The following TNPO2 variants were observed in gnomAD, a reference collection of about 807,000 sequenced individuals.
TNPO2 encodes transportin-2.
In TNPO2, 16 loss-of-function variants were observed where a neutral mutation model predicts 111.1. The ratio of observed to expected loss-of-function variants is 0.14; its 90% CI spans 0.10 to 0.22. The LOEUF (loss-of-function observed/expected upper bound fraction) is 0.22. TNPO2 is among the 10% of genes least tolerant of loss of function. The probability of loss-of-function intolerance (pLI) is 1.00; values close to 1 mark genes in which losing one functional copy is unlikely to be tolerated. For missense variants in TNPO2, 530 were observed against 1,173.7 expected, an observed-to-expected ratio of 0.45 and a Z score of 8.01; for synonymous variants, 481 against 475.8, an observed-to-expected ratio of 1.01 and a Z score of -0.14.
At position 12,705,874 on chromosome 19, in the gene TNPO2, T is replaced by C; in HGVS notation, c.1669-106A>G. ...GGCCTGAGCGCCTCACCGTGGCTCA[T>C]GGGACCCTGAAAGGCCTGCCATCTG... On this transcript the variant is annotated intron_variant, in intron 15 of 25. Transcript: ENST00000425528. This position sits in a 1 kb window ranked among gnomAD's most constrained non-coding sequence, Gnocchi z 7.2. The C allele has an allele frequency of 2.3e-6, 2 of 865,002 alleles. No homozygotes were observed. Among genetic ancestry groups the C allele is most frequent in the Non-Finnish European group, 3.5e-6 (2 of 575,956 alleles). The allele number at this position is 865,002 out of a possible 1,614,324, so 53.6% of individuals were successfully genotyped here.
chr19:12,707,138 C>T (rs2025727127), intron 13 of TNPO2, among the ~76,000 whole-genome samples: 1 of 152,182 alleles, frequency 6.6e-6, no homozygotes, highest in South Asian at 2.1e-4. Flanking sequence ...GCTGGGATTA[C>T]AGGCCTCTGC....
chr19:12,707,863 C>G (rs990699995), intron 13 of TNPO2, among the ~76,000 whole-genome samples: 1 of 151,790 alleles, frequency 6.6e-6, no homozygotes, highest in African/African-American at 2.4e-5. Flanking sequence ...CTCTGTTGCC[C>G]AAGCTGAAGT....
chr19:12,719,048 C>A lies in TNPO2; in HGVS notation c.306G>T (p.Ser102=). The A allele has an allele frequency of 1.2e-6, 2 of 1,613,814 alleles. No homozygotes were observed. Among genetic ancestry groups the A allele is most frequent in the Non-Finnish European group, 1.7e-6 (2 of 1,179,888 alleles). The part of the protein sequence containing the change: ...ECLNNIGDAS[S]LIRATIGILI... ...TCTCACCAATGGTGGCTCGGATGAG[C>A]GAGGAGGCATCGCCAATGTTGTTGA... The change falls in exon 5 of 26, where the codon TCG becomes TCT. Residue 102 remains serine (S), a synonymous_variant. Transcript: ENST00000425528. The surrounding 1 kb of genome is among the most constrained non-coding windows in gnomAD (Gnocchi z 5.0).
In TNPO2 at chr19:12,715,358, C is replaced by T. The variant is rs2026306892; in HGVS notation, c.567-34G>A. 6.2e-7 allele frequency: 1 copy of T among 1,613,762 alleles called. No homozygotes were observed. Among genetic ancestry groups the T allele is most frequent in the African/African-American group, 1.3e-5 (1 of 74,898 alleles). The stretch of plus-strand genomic sequence containing the variant: ...GAGCAGACACGTGGGTCACCCTGAC[C>T]CTGCCCACTCCAGGCTCCCTGGAAG... On this transcript the variant is annotated intron_variant, in intron 7 of 25. Transcript: ENST00000425528. This position sits in a 1 kb window ranked among gnomAD's most constrained non-coding sequence, Gnocchi z 7.1.
chr19:12,715,138 G>C lies in TNPO2; in HGVS notation c.680C>G (p.Pro227Arg). Residue 227 changes from proline (P) to arginine (R), a missense_variant, in exon 9 of 26, where the codon CCC (proline) becomes CGC (arginine). Coordinates refer to ENST00000425528, the MANE Select transcript of TNPO2 (RefSeq NM_001382241.1). This position sits in a 1 kb window ranked among gnomAD's most constrained non-coding sequence, Gnocchi z 7.1. ...HLFALAVDDD[P>R]EVRKNVCRAL... ...ACGGCACACATTCTTCCGCACCTCG[G>C]GGTCATCATCCACAGCCAGGGCAAA... is the stretch of plus-strand genomic sequence containing the variant. 1 of 1,604,230 alleles carries C rather than the reference G, an allele frequency of 6.2e-7. No individual in the cohort carries two copies. The highest frequency in any genetic ancestry group is 8.5e-7 in the Non-Finnish European group (1 of 1,173,870).
chr19:12,705,957 A>ACCCCC lies in TNPO2; in HGVS notation c.1669-194_1669-190dup, dbSNP rs989945964. 3 of 471,002 alleles carry ACCCCC rather than the reference A, an allele frequency of 6.4e-6. No individual in the cohort carries two copies. Among genetic ancestry groups the ACCCCC allele is most frequent in the Non-Finnish European group, 1.1e-5 (3 of 264,492 alleles). 29.2% of individuals were successfully genotyped at this position (471,002 alleles called of 1,614,324 possible). On this transcript the variant is annotated intron_variant, in intron 15 of 25. Coordinates refer to ENST00000425528, the MANE Select transcript of TNPO2 (RefSeq NM_001382241.1). The surrounding 1 kb of genome is among the most constrained non-coding windows in gnomAD (Gnocchi z 7.2). ...GTCCAAGCACCGCCCGCCCCACCCC[A>ACCCCC]CCCCCCGGGAGCCTGGGTTACCACC...
chr19:12,705,110 T>C lies in TNPO2; in HGVS notation c.2022+130A>G. ...AGCAATCCTGCCTCGGCCTCCAGGA[T>C]TACTCTTTAAAATAATTAGAACAGC... is the stretch of plus-strand genomic sequence containing the variant. On this transcript the variant is annotated intron_variant, in intron 18 of 25. Coordinates refer to ENST00000425528, the MANE Select transcript of TNPO2 (RefSeq NM_001382241.1). The surrounding 1 kb of genome is among the most constrained non-coding windows in gnomAD (Gnocchi z 7.2). The C allele has an allele frequency of 1.0e-6, 1 of 998,108 alleles. No individual in the cohort carries two copies. The highest frequency in any genetic ancestry group is 1.6e-5 in the South Asian group (1 of 62,334). 61.8% of individuals were successfully genotyped at this position (998,108 alleles called of 1,614,324 possible).
rs373585178 is a variant in TNPO2, at chr19:12,706,528, C to T, written c.1496+42G>A. ...GTGTCATCACTTCCCAGAGGGTGGC[C>T]GGGGGAGAGTGGGGGCTGTGGGATC... is the stretch of plus-strand genomic sequence containing the variant. On this transcript the variant is annotated intron_variant, in intron 14 of 25. Coordinates refer to ENST00000425528, the MANE Select transcript of TNPO2 (RefSeq NM_001382241.1). The surrounding 1 kb of genome is among the most constrained non-coding windows in gnomAD (Gnocchi z 7.0). The T allele has an allele frequency of 2.4e-4, 377 of 1,604,146 alleles. No homozygotes were observed. Among genetic ancestry groups the T allele is most frequent in the Non-Finnish European group, 3.0e-4 (354 of 1,171,702 alleles).
In TNPO2 at chr19:12,705,655, T is replaced by G. The variant is rs1399856258; in HGVS notation, c.1755+27A>C. 1.3e-6 allele frequency: 2 copies of G among 1,560,032 alleles called. No individual in the cohort carries two copies. The highest frequency in any genetic ancestry group is 1.7e-6 in the Non-Finnish European group (2 of 1,149,710). On this transcript the variant is annotated intron_variant, in intron 16 of 25. Transcript: ENST00000425528. The surrounding 1 kb of genome is among the most constrained non-coding windows in gnomAD (Gnocchi z 7.2). ...TCAGGCAGGGTGGGCAGGATGGGTT[T>G]CGGGTGAGGGGCAGGAGCCCACTCA...
chr19:12,721,255 G>A lies in TNPO2; in HGVS notation c.-13-265C>T. On this transcript the variant is annotated intron_variant, in intron 2 of 25. Coordinates refer to ENST00000425528, the MANE Select transcript of TNPO2 (RefSeq NM_001382241.1). This position sits in a 1 kb window ranked among gnomAD's most constrained non-coding sequence, Gnocchi z 4.9. ...CGGCGGGGCCCGGCGGATCCTCATGGGACCCAGCGAAGAGCCCTCGTCCCA... is the reference window on the plus strand; with the variant it reads ...CGGCGGGGCCCGGCGGATCCTCATGAGACCCAGCGAAGAGCCCTCGTCCCA... The A allele has an allele frequency of 7.7e-7, 1 of 1,302,412 alleles. No individual in the cohort carries two copies. The highest frequency in any genetic ancestry group is 9.8e-7 in the Non-Finnish European group (1 of 1,021,628). The allele number at this position is 1,302,412 out of a possible 1,614,324, so 80.7% of individuals were successfully genotyped here.
rs751334338 is a variant in TNPO2 at position 12,706,851 on chromosome 19, C to T, written c.1271-56G>A. The T allele has an allele frequency of 1.6e-4, 225 of 1,428,426 alleles. No homozygotes were observed. The Middle Eastern group carries it at 1.7e-3, about 11-fold the overall frequency. The allele number at this position is 1,428,426 out of a possible 1,614,324, so 88.5% of individuals were successfully genotyped here. On this transcript the variant is annotated intron_variant, in intron 13 of 25. Coordinates refer to ENST00000425528, the MANE Select transcript of TNPO2 (RefSeq NM_001382241.1). This position sits in a 1 kb window ranked among gnomAD's most constrained non-coding sequence, Gnocchi z 7.0. ...TTTGATTGGGCCCAGCCACACCCAC[C>T]GTATGGAGAGAAGAGTCAGCCGCAC...
intron 13 of TNPO2, 115 bp downstream of exon 13, chr19:12,710,506 T>G: frequency 8.0e-7 from 1 of 1,257,582 alleles, no homozygotes; most frequent in Non-Finnish European, 1.1e-6. Context: ...CTCAGAGCTG[T>G]TTGGAGTGGG....
Position 12,705,368 on chromosome 19 carries a change from C to T in TNPO2, c.1894G>A (p.Ala632Thr), listed in dbSNP as rs1208175548. The T allele has an allele frequency of 6.3e-7, 1 of 1,586,990 alleles. No individual in the cohort carries two copies. The highest frequency in any genetic ancestry group is 1.3e-5 in the African/African-American group (1 of 74,288). The stretch of plus-strand genomic sequence containing the variant: ...ACGATCATGAAGTCCTTGTCGGGAG[C>T]CTCATACTGCTCAGGGTGCTGGGTG... ...MYTQHPEQYE[A>T]PDKDFMIVAL... is the part of the protein sequence containing the mutation. The change falls in exon 18 of 26, where the codon GCT (alanine) becomes ACT (threonine). Residue 632 changes from alanine to threonine, a missense_variant. Physicochemically the swap from Ala to Thr is moderately conservative, Grantham distance 58. Around this residue, in one of 4 missense-constraint regions of TNPO2, gnomAD observed 183 missense variants for 481.0 expected, o/e 0.38. Transcript: ENST00000425528. The surrounding 1 kb of genome is among the most constrained non-coding windows in gnomAD (Gnocchi z 7.2).
rs778339644 is a variant in TNPO2, at chr19:12,703,543, G to A, written c.2111-17C>T. 1.2e-6 allele frequency: 2 copies of A among 1,613,420 alleles called. No individual in the cohort carries two copies. Among genetic ancestry groups the A allele is most frequent in the South Asian group, 1.1e-5 (1 of 91,038 alleles). ...TGAACTCGGCTGGTGGGGAGAAACA[G>A]GGGTGCTGAGAAGGAGGGCCAGCCA... On this transcript the variant is annotated splice_polypyrimidine_tract_variant and intron_variant, in intron 19 of 25. Coordinates refer to ENST00000425528, the MANE Select transcript of TNPO2 (RefSeq NM_001382241.1).
chr19:12,709,318 T>C (rs2025899378), intron 13 of TNPO2, among the ~76,000 whole-genome samples: 7 of 151,514 alleles, frequency 4.6e-5, no homozygotes, highest in Admixed American at 3.9e-4. Flanking sequence ...GCCAAGATCA[T>C]GCCACTGCAC....
Position 12,700,898 on chromosome 19 carries a change from A to C in TNPO2, c.*366T>G, listed in dbSNP as rs549433229. 15 of 177,596 alleles carry C rather than the reference A, an allele frequency of 8.4e-5. No homozygotes were observed. The South Asian group carries it at 1.9e-3, about 22-fold the overall frequency. 11.0% of individuals were successfully genotyped at this position (177,596 alleles called of 1,614,324 possible). A position where few individuals can be genotyped will look rare whatever the true frequency, so the allele number is the denominator to read the frequency against. On this transcript the variant is annotated 3_prime_UTR_variant, in exon 26 of 26. Coordinates refer to ENST00000425528, the MANE Select transcript of TNPO2 (RefSeq NM_001382241.1). Reference sequence around the variant, plus strand: ...CGTCCCTACGAGGGCCCCCCTCCTGACCTGCTCCTCCCTCACCTCATCCGA... The same window carrying C: ...CGTCCCTACGAGGGCCCCCCTCCTGCCCTGCTCCTCCCTCACCTCATCCGA...
Position 12,706,553 on chromosome 19 carries a change from CA to C in TNPO2, c.1496+16del, listed in dbSNP as rs751291907. 6 of 1,613,306 alleles carry C rather than the reference CA, an allele frequency of 3.7e-6. No homozygotes were observed. The South Asian group carries it at 4.4e-5, about 12-fold the overall frequency. On this transcript the variant is annotated intron_variant, in intron 14 of 25. Coordinates refer to ENST00000425528, the MANE Select transcript of TNPO2 (RefSeq NM_001382241.1). This position sits in a 1 kb window ranked among gnomAD's most constrained non-coding sequence, Gnocchi z 7.0. The stretch of plus-strand genomic sequence containing the variant: ...CGGGGGAGAGTGGGGGCTGTGGGAT[CA>C]GGGGTCCAGGGTCACCTGCAGGCCG...
chr19:12,708,672 G>A (rs191763789), intron 13 of TNPO2, among the ~76,000 whole-genome samples: 2 of 151,676 alleles, frequency 1.3e-5, no homozygotes, highest in African/African-American at 2.4e-5. Context: ...TTCGAAACCA[G>A]CTTGACCAAC....
Position 12,703,721 on chromosome 19 carries a change from G to A in TNPO2, c.2103C>T (p.Pro701=), listed in dbSNP as rs747084696. The change falls in exon 19 of 26, where the codon CCC becomes CCT. Residue 701 remains proline, a synonymous_variant. Transcript: ENST00000425528. The part of the protein sequence containing the change: ...LTKACFIHVK[P]CIAEFMPILG... ...ACAAGGCGAGTGTCGTACCGATACA[G>A]GGCTTGACATGGATGAAGCAGGCTT... 5 of 1,608,082 alleles carry A rather than the reference G, an allele frequency of 3.1e-6. No individual in the cohort carries two copies. Among genetic ancestry groups the A allele is most frequent in the Admixed American group, 3.4e-5 (2 of 58,848 alleles).
Sources: allele counts gnomAD v4.1 joint callset (sites outside exome capture counted in the v4.1 genomes callset), GRCh38; gene constraint gnomAD v4.1.1; regional missense constraint gnomAD v4.1.1; non-coding constraint Gnocchi (gnomAD v3.1); transcripts MANE v1.5; gene names NCBI Gene and HGNC (gene_info 2026-07-23, HGNC 2026-07-21).